LAMA5: variants seen among roughly 807,000 people sequenced by gnomAD.
LAMA5 encodes the protein laminin subunit alpha-5.
In LAMA5, 260 loss-of-function variants were observed where a neutral mutation model predicts 433.4. The ratio of observed to expected loss-of-function variants is 0.60; its 90% confidence interval spans 0.54 to 0.66. LAMA5 has a LOEUF of 0.66. LAMA5 is among the 30% of genes least tolerant of loss of function. The pLI is 0.00. For missense variants in LAMA5, 5,378 were observed against 5,258.5 expected (o/e 1.02, Z -0.70); for synonymous variants, 2,620 against 2,226.6 (o/e 1.18, Z -4.97).
rs763237252 is a variant in LAMA5 at position 62,315,117 on chromosome 20, A to G, written c.7958T>C (p.Met2653Thr). 6.2e-6 allele frequency: 10 copies of G among 1,608,670 alleles called. No homozygotes were observed. Among genetic ancestry groups the G allele is most frequent in the African/African-American group, 5.3e-5 (4 of 74,872 alleles). ...ATRVQSQLQA[M>T]QENVERWQGQ... is the part of the protein sequence containing the mutation. ...CTGCCACCGCTCCACATTCTCCTGC[A>G]TGGCCTGCAGCTGGGACTGCACACG... The change falls in exon 59 of 80, where the codon ATG (methionine) becomes ACG (threonine). Residue 2653 changes from methionine (M) to threonine (T), a missense_variant. Transcript: ENST00000252999.
At chr20:62,317,833 A>T in intron 53 of LAMA5, 55 bp from the exon 54 acceptor site, 1 of 756,480 alleles carries the variant, frequency 1.3e-6, no homozygotes, top group Non-Finnish European at 1.8e-6. Context: ...AGAATAAAGG[A>T]TGTGATGGGG....
chr20:62,319,866 G>A (rs1041818672), intron 50 of LAMA5, 71 bp from the exon 51 acceptor site: 8 of 1,225,742 alleles, frequency 6.5e-6, no homozygotes, highest in African/African-American at 3.0e-5. Flanking sequence ...AGGGCCTGGG[G>A]TCTGGGGGAG....
In LAMA5 at chr20:62,349,270, CAAAAAAA is replaced by C. The variant is rs35537683; in HGVS notation, c.957-2249_957-2243del. The stretch of plus-strand genomic sequence containing the variant: ...TGGGCAACAGAGTGAGACTCCATCT[CAAAAAAA>C]AAAAAAAAAAAAAAAAGCGTGAGTC... On this transcript the variant is annotated intron_variant, in intron 6 of 79. Transcript: ENST00000252999. Among the ~76,000 whole-genome samples, 217 of 46,610 alleles carry C rather than the reference CAAAAAAA, an allele frequency of 4.7e-3. 1 individual carries two copies. The highest frequency in any genetic ancestry group is 7.7e-3 in the Admixed American group (20 of 2,592). The allele number at this position is 46,610 out of a possible 152,430, so 30.6% of individuals were successfully genotyped here.
rs765043535 is a variant in LAMA5 at position 62,311,985 on chromosome 20, C to T, written c.9570G>A (p.Val3190=). The change falls in exon 70 of 80, where the codon GTG becomes GTA. Residue 3190 remains valine (V), a synonymous_variant. Transcript: ENST00000252999. The part of the protein sequence containing the change: ...RVSLQLLRTE[V]KTQAGFADGA... ...CATCGGCGAAGCCCGCTTGAGTTTT[C>T]ACTTCAGTCCTCAGGAGCTGTAGGC... The T allele has an allele frequency of 6.2e-7, 1 of 1,612,738 alleles. No individual in the cohort carries two copies. Among genetic ancestry groups the T allele is most frequent in the Non-Finnish European group, 8.5e-7 (1 of 1,179,916 alleles).
chr20:62,322,487 A>C (rs1352341726), intron 46 of LAMA5, 38 bp from the exon 47 acceptor site: 1 of 1,546,246 alleles, frequency 6.5e-7, no homozygotes, highest in African/African-American at 1.4e-5. Flanking sequence ...CCCAGCCCTC[A>C]AGACTGTCCC....
In LAMA5 at chr20:62,333,301, T is replaced by TGAGTGGGGGAAGCCAGGCACAGTGG. The variant is rs554070219; in HGVS notation, c.3128+49_3129-59dup. 7.3e-5 allele frequency: 116 copies of TGAGTGGGGGAAGCCAGGCACAGTGG among 1,589,488 alleles called. No individual in the cohort carries two copies. In the South Asian group the frequency reaches 1.3e-3, roughly 18 times the overall value. On this transcript the variant is annotated intron_variant, in intron 25 of 79. Transcript: ENST00000252999. ...TCCACCCAGGTCCCCAGAGACAGCC[T>TGAGTGGGGGAAGCCAGGCACAGTGG]GAGTGGGGGAAGCCAGGCACAGTGG...
chr20:62,313,623 G>A (rs1194987704), intron 63 of LAMA5, 26 bp downstream of exon 63: 1 of 1,611,064 alleles, frequency 6.2e-7, no homozygotes, highest in Non-Finnish European at 8.5e-7. Context: ...GCCCCTCCCA[G>A]GCTGCCCCAG....
In LAMA5 at chr20:62,317,681, C is replaced by G. The variant is rs749292670; in HGVS notation, c.7337G>C (p.Ser2446Thr). Residue 2446 changes from serine (S) to threonine (T), a missense_variant, in exon 54 of 80, where the codon AGC becomes ACC. Coordinates refer to ENST00000252999, the MANE Select transcript of LAMA5 (RefSeq NM_005560.6). The stretch of plus-strand genomic sequence containing the variant: ...ACTCACCTCCTTAGCCTGGTCCAGG[C>G]TGTGCAGCAATCTGAAGACGCTGGC... ...TLASVFRLLHSLDQAKEELER... is the reference protein window; with the variant it reads ...TLASVFRLLHTLDQAKEELER... The G allele has an allele frequency of 1.9e-6, 3 of 1,594,604 alleles. No homozygotes were observed. The highest frequency in any genetic ancestry group is 1.1e-5 in the South Asian group (1 of 88,552).
chr20:62,326,491 C>T, intron 40 of LAMA5, 186 bp downstream of exon 40: 3 of 578,140 alleles, frequency 5.2e-6, no homozygotes, highest in Non-Finnish European at 6.2e-6. Flanking sequence ...TGACACCCCC[C>T]AGGGTGACCA....
chr20:62,360,305 C>T (rs1317954882), intron 2 of LAMA5, among the ~76,000 whole-genome samples: 30 of 15,598 alleles, frequency 1.9e-3, no homozygotes, highest in Non-Finnish European at 2.3e-3. Context: ...GTGGGTGCTG[C>T]ATAGGTAGGG....
chr20:62,339,430 G>A (rs534085438), intron 11 of LAMA5, among the ~76,000 whole-genome samples: 1 of 151,848 alleles, frequency 6.6e-6, no homozygotes, highest in South Asian at 2.1e-4. Context: ...TAGAGACGGG[G>A]TTTCACTATG....
rs752777254 is a variant in LAMA5 at position 62,346,907 on chromosome 20, A to G, written c.1072+6T>C. 6.2e-7 allele frequency: 1 copy of G among 1,611,418 alleles called. No individual in the cohort carries two copies. Among genetic ancestry groups the G allele is most frequent in the Admixed American group, 1.7e-5 (1 of 59,998 alleles). On this transcript the variant is annotated splice_donor_region_variant and intron_variant, in intron 7 of 79. Coordinates refer to ENST00000252999, the MANE Select transcript of LAMA5 (RefSeq NM_005560.6). Reference sequence around the variant, plus strand: ...AGGACACACGTGTGTGGGAGGAGGCACTCACACTGGCACTCGTTGGCACTG... The same window carrying G: ...AGGACACACGTGTGTGGGAGGAGGCGCTCACACTGGCACTCGTTGGCACTG...
At chr20:62,309,899 AG>A in intron 78 of LAMA5, 64 bp from the exon 79 acceptor site, 1 of 1,606,324 alleles carries the variant, frequency 6.2e-7, no homozygotes, top group African/African-American at 1.3e-5. Flanking sequence ...CAGCCCCAAA[AG>A]AAGCCACCCC....
In LAMA5 at chr20:62,313,397, C is replaced by T. The variant is rs754201409; in HGVS notation, c.8722G>A (p.Glu2908Lys). The T allele has an allele frequency of 2.5e-6, 4 of 1,607,898 alleles. No homozygotes were observed. The East Asian group carries it at 6.7e-5, about 27-fold the overall frequency. The stretch of plus-strand genomic sequence containing the variant: ...TCGAAGTTGTAGAGGCTGACCACCT[C>T]CTCATTCAGCGTGTCCATCTCGATG... Reference protein sequence around the residue: ...GCIEMDTLNEEVVSLYNFERT... With the variant: ...GCIEMDTLNEKVVSLYNFERT... Residue 2908 changes from glutamate (E) to lysine (K), a missense_variant, in exon 64 of 80, where the codon GAG becomes AAG. Transcript: ENST00000252999.
Position 62,314,304 on chromosome 20 carries a change from C to T in LAMA5, c.8504G>A (p.Arg2835Lys). 1 of 1,612,960 alleles carries T rather than the reference C, an allele frequency of 6.2e-7. No individual in the cohort carries two copies. The highest frequency in any genetic ancestry group is 8.5e-7 in the Non-Finnish European group (1 of 1,179,744). ...GEQFAAVSLDRTLQFGHMSVT... is the reference protein window; with the variant it reads ...GEQFAAVSLDKTLQFGHMSVT... ...CCGGCCTCTCTCCTGGGCCTCCCAC[C>T]TGTCCAGGCTGACAGCTGCGAACTG... Residue 2835 changes from arginine (R) to lysine (K), a missense_variant and splice_region_variant, in exon 62 of 80, where the codon AGG becomes AAG. By Grantham distance (26) the Arg-to-Lys change is conservative. Transcript: ENST00000252999.
At chr20:62,342,302 C>CAA (rs762726186) in intron 11 of LAMA5, 95 of 324,416 alleles carry the variant, frequency 2.9e-4, no homozygotes, top group South Asian at 3.9e-4. Flanking sequence ...AACTCCATCT[C>CAA]AAAAAAAAAA....
At position 62,313,399 on chromosome 20, in the gene LAMA5, T is replaced by G; in HGVS notation, c.8720A>C (p.Glu2907Ala). 6.2e-7 allele frequency: 1 copy of G among 1,608,448 alleles called. No individual in the cohort carries two copies. The highest frequency in any genetic ancestry group is 1.1e-5 in the South Asian group (1 of 90,174). ...GAAGTTGTAGAGGCTGACCACCTCCTCATTCAGCGTGTCCATCTCGATGCA... is the reference window on the plus strand; with the variant it reads ...GAAGTTGTAGAGGCTGACCACCTCCGCATTCAGCGTGTCCATCTCGATGCA... The part of the protein sequence containing the change: ...RGCIEMDTLN[E>A]EVVSLYNFER... Residue 2907 changes from glutamate to alanine, a missense_variant, in exon 64 of 80, where the codon GAG becomes GCG. By Grantham distance (107) the Glu-to-Ala change is moderately radical. Transcript: ENST00000252999.
In LAMA5 at chr20:62,316,883, G is replaced by A. The variant is rs556545870; in HGVS notation, c.7652C>T (p.Ala2551Val). Reference sequence around the variant, plus strand: ...CTGAGGGGAAGTGAGGGGCCTCACCGCCCACGTGTGGTCCGCCTGCTGCAG... The same window carrying A: ...CTGAGGGGAAGTGAGGGGCCTCACCACCCACGTGTGGTCCGCCTGCTGCAG... The part of the protein sequence containing the change: ...QALQQADHTW[A>V]TVVRQGLVDR... Residue 2551 changes from alanine to valine, a missense_variant and splice_region_variant, in exon 56 of 80, where the codon GCG (alanine) becomes GTG (valine). By Grantham distance (64) the Ala-to-Val change is moderately conservative (BLOSUM62 0). Coordinates refer to ENST00000252999, the MANE Select transcript of LAMA5 (RefSeq NM_005560.6). The A allele has an allele frequency of 1.5e-4, 224 of 1,529,950 alleles. 3 individuals carry two copies. The highest frequency in any genetic ancestry group is 1.4e-3 in the South Asian group (116 of 82,980). 94.8% of individuals were successfully genotyped at this position (1,529,950 alleles called of 1,614,324 possible).
At chr20:62,329,447 C>T (rs1020418506) in intron 32 of LAMA5, among the ~76,000 whole-genome samples, 194 bp from the exon 33 acceptor site, 1 of 152,294 alleles carries the variant, frequency 6.6e-6, no homozygotes, top group Non-Finnish European at 1.5e-5. Flanking sequence ...CTTTCGGGGG[C>T]ATGAGGAGGC....
Sources: gnomAD v4.1 joint callset for allele counts (sites outside exome capture counted in the v4.1 genomes callset) on GRCh38, gnomAD v4.1.1 for gene constraint, MANE v1.5 for transcripts, NCBI Gene and HGNC (gene_info 2026-07-23, HGNC 2026-07-21) for gene names.